PKN2: variants seen among roughly 807,000 people sequenced by gnomAD.
PKN2 encodes the protein serine/threonine-protein kinase N2.
A neutral mutation model predicts 119.1 loss-of-function variants in PKN2; 38 were observed. The observed-to-expected ratio is 0.32, with a 90% CI of 0.25 to 0.42. PKN2 has a LOEUF of 0.42. Ranked by LOEUF, PKN2 falls within the 10% of genes least tolerant of loss-of-function variation. PKN2 has a pLI of 1.00. For missense variants in PKN2, 850 were observed against 1,165.1 expected, an observed-to-expected ratio of 0.73 and a Z score of 3.94; for synonymous variants, 390 against 384.9, an observed-to-expected ratio of 1.01 and a Z score of -0.15.
chr1:88,719,806 T>C (rs1667596274), intron 1 of PKN2, among the ~76,000 whole-genome samples: 1 of 152,178 alleles, frequency 6.6e-6, no homozygotes, highest in South Asian at 2.1e-4. Context: ...TGGCCACTTT[T>C]TGGCTATATT....
intron 1 of PKN2, among the ~76,000 whole-genome samples, chr1:88,723,410 G>GT (rs567944078): frequency 8.0e-6 from 1 of 125,128 alleles, no homozygotes; most frequent in Non-Finnish European, 1.6e-5. Flanking sequence ...ACCGTGCCCT[G>GT]CCCCCCCCCC....
At chr1:88,696,203 A>G (rs1178368064) in intron 1 of PKN2, among the ~76,000 whole-genome samples, 1 of 152,152 alleles carries the variant, frequency 6.6e-6, no homozygotes, top group Non-Finnish European at 1.5e-5. Flanking sequence ...TTTTCCCATT[A>G]ATTTATCCTT....
intron 8 of PKN2, among the ~76,000 whole-genome samples, chr1:88,797,751 T>C (rs1282189706): frequency 6.6e-6 from 1 of 152,184 alleles, no homozygotes. Flanking sequence ...ATCACTGCTC[T>C]ACAACATAGT....
chr1:88,801,767 G>T (rs1296994893), intron 8 of PKN2, among the ~76,000 whole-genome samples: 1 of 152,192 alleles, frequency 6.6e-6, no homozygotes, highest in African/African-American at 2.4e-5. Context: ...TGCAGAAAGC[G>T]TGCCCCTCGC....
At chr1:88,832,427 T>C (rs1672767200) in intron 19 of PKN2, among the ~76,000 whole-genome samples, 1 of 151,992 alleles carries the variant, frequency 6.6e-6, no homozygotes, top group Non-Finnish European at 1.5e-5. Flanking sequence ...TAAAATGGAA[T>C]GGAGTGGAAT....
chr1:88,818,981 G>A (rs541693496), intron 16 of PKN2, among the ~76,000 whole-genome samples: 12 of 152,104 alleles, frequency 7.9e-5, no homozygotes, highest in African/African-American at 1.2e-4. Flanking sequence ...AGCCATATGC[G>A]GGGAACTGAA....
chr1:88,720,707 G>C (rs1183341393), intron 1 of PKN2, among the ~76,000 whole-genome samples: 1 of 152,102 alleles, frequency 6.6e-6, no homozygotes, highest in East Asian at 1.9e-4. Flanking sequence ...GGTGATTTCT[G>C]AGATTTTGGT....
chr1:88,756,904 C>T (rs1357329877), intron 2 of PKN2, among the ~76,000 whole-genome samples: 1 of 152,012 alleles, frequency 6.6e-6, no homozygotes, highest in Non-Finnish European at 1.5e-5. Flanking sequence ...ATGATGTTTT[C>T]ACTATTTAAC....
intron 1 of PKN2, among the ~76,000 whole-genome samples, chr1:88,735,819 G>A (rs1344405700): frequency 2.0e-5 from 3 of 151,844 alleles, no homozygotes; most frequent in African/African-American, 7.3e-5. Context: ...ACTTATTTGG[G>A]CTGTATCTGA....
intron 1 of PKN2, among the ~76,000 whole-genome samples, chr1:88,699,525 G>T (rs1057431841): frequency 2.6e-5 from 4 of 152,046 alleles, no homozygotes; most frequent in Non-Finnish European, 5.9e-5. Context: ...CATCACCTGG[G>T]TATTAAGCCC....
At position 88,706,600 on chromosome 1, in the gene PKN2, A is replaced by T. The variant is rs145719260; in HGVS notation, c.48+21972A>T. Among the ~76,000 whole-genome samples, 276 of 152,250 alleles carry T rather than the reference A, an allele frequency of 1.8e-3. 1 individual carries two copies. The highest frequency in any genetic ancestry group is 6.3e-3 in the African/African-American group (262 of 41,562). ...AGCCTTACATAATTCATGTAAGATT[A>T]GTTGTATGAGTTTTGTATTTGCCCT... is the stretch of plus-strand genomic sequence containing the variant. On this transcript the variant is annotated intron_variant, in intron 1 of 21. Transcript: ENST00000370521.
chr1:88,769,166 A>G (rs752179479), intron 3 of PKN2, among the ~76,000 whole-genome samples: 1 of 152,204 alleles, frequency 6.6e-6, no homozygotes, highest in Admixed American at 6.5e-5. Flanking sequence ...CATCCAAACC[A>G]TATCAGGCAT....
chr1:88,695,010 C>T (rs1557544289), intron 1 of PKN2, among the ~76,000 whole-genome samples: 3 of 152,144 alleles, frequency 2.0e-5, no homozygotes, highest in Non-Finnish European at 4.4e-5. Context: ...GCCTGTAGTC[C>T]CAGCTATTCT....
chr1:88,763,607 CA>C (rs34763457), intron 3 of PKN2, among the ~76,000 whole-genome samples: 10,531 of 103,310 alleles, frequency 0.1, 708 homozygotes, highest in African/African-American at 0.25. Flanking sequence ...AACTCCATCT[CA>C]AAAAAAAAAA....
intron 8 of PKN2, among the ~76,000 whole-genome samples, chr1:88,800,228 C>A (rs1027420445): frequency 2.0e-5 from 3 of 152,096 alleles, no homozygotes; most frequent in African/African-American, 7.2e-5. Flanking sequence ...TAAAGAAATA[C>A]CCAACAGTTC....
chr1:88,818,139 G>T (rs1392885740), intron 16 of PKN2, among the ~76,000 whole-genome samples: 1 of 152,092 alleles, frequency 6.6e-6, no homozygotes, highest in African/African-American at 2.4e-5. Flanking sequence ...AAATACCTAG[G>T]AATACAGCTT....
chr1:88,781,508 A>T (rs12744822), intron 6 of PKN2, among the ~76,000 whole-genome samples: 8,330 of 152,172 alleles, frequency 0.055, 316 homozygotes, highest in Non-Finnish European at 0.087. Context: ...TTACTTCTGA[A>T]TACCAACATT....
intron 2 of PKN2, among the ~76,000 whole-genome samples, chr1:88,751,328 TA>T (rs979719920): frequency 6.6e-5 from 10 of 151,828 alleles, no homozygotes; most frequent in Admixed American, 1.3e-4. Flanking sequence ...TACATACAGG[TA>T]CATACAAGGT....
intron 17 of PKN2, among the ~76,000 whole-genome samples, chr1:88,823,046 CTG>C (rs1672359668): frequency 6.6e-6 from 1 of 152,078 alleles, no homozygotes; most frequent in Non-Finnish European, 1.5e-5. Flanking sequence ...TAGTGATATT[CTG>C]TCTCTACAAA....
Sources: gnomAD v4.1 joint callset for allele counts (sites outside exome capture counted in the v4.1 genomes callset) on GRCh38, gnomAD v4.1.1 for gene constraint, MANE v1.5 for transcripts, NCBI Gene and HGNC (gene_info 2026-07-23, HGNC 2026-07-21) for gene names.